Variants in PNLIP observed in about 807,000 individuals in gnomAD.
PNLIP encodes the protein pancreatic lipase.
Under a neutral mutation model 57.1 loss-of-function variants are expected in PNLIP, and 49 were observed. The ratio of observed to expected loss-of-function variants is 0.86; its 90% confidence interval spans 0.68 to 1.09. The LOEUF (loss-of-function observed/expected upper bound fraction) is 1.09, where lower values mean the gene tolerates loss of function less well. Among genes scored for constraint, PNLIP ranks in the 50% least tolerant of loss-of-function variants. The probability of loss-of-function intolerance (pLI) is 0.00; values close to 1 mark genes in which losing one functional copy is unlikely to be tolerated. For synonymous variants in PNLIP, 209 were observed against 200.4 expected, an observed-to-expected ratio of 1.04 and a Z score of -0.36; for missense variants, 503 against 570.2, an observed-to-expected ratio of 0.88 and a Z score of 1.20.
chr10:116,550,125 C>T (rs1185594331), intron 4 of PNLIP, among the ~76,000 whole-genome samples: 1 of 131,906 alleles, frequency 7.6e-6, no homozygotes, highest in Non-Finnish European at 1.5e-5. Context: ...GTGGCGCGAT[C>T]TTGGCTCACT....
intron 12 of PNLIP, among the ~76,000 whole-genome samples, chr10:116,562,847 T>C (rs548962186): frequency 1.3e-5 from 2 of 152,206 alleles, no homozygotes; most frequent in African/African-American, 4.8e-5. Flanking sequence ...TGCTTTATAG[T>C]GGAAAATAAT....
rs542104414 is a variant in PNLIP, at chr10:116,549,478, C to CAA, written c.324+1005_324+1006dup. 6.7e-4 allele frequency among the ~76,000 whole-genome samples: 95 copies of CAA among 142,364 alleles called. 1 individual carries two copies. Among genetic ancestry groups the CAA allele is most frequent in the African/African-American group, 2.2e-3 (84 of 38,624 alleles). 93.4% of individuals were successfully genotyped at this position (142,364 alleles called of 152,430 possible). A position where few individuals can be genotyped will look rare whatever the true frequency, so the allele number is the denominator to read the frequency against. On this transcript the variant is annotated intron_variant, in intron 4 of 12. Coordinates refer to ENST00000369221, the MANE Select transcript of PNLIP (RefSeq NM_000936.4). Reference sequence around the variant, plus strand: ...TGGACAACAGAGCAAGATTCCGTCTCAAAAAAAAAACAAAAAAAGACACAA... The same window carrying CAA: ...TGGACAACAGAGCAAGATTCCGTCTCAAAAAAAAAAAACAAAAAAAGACACAA...
chr10:116,559,207 T>C lies in PNLIP; in HGVS notation c.984T>C (p.Ala328=), dbSNP rs78085802. Residue 328 remains alanine, a synonymous_variant, in exon 10 of 13, where the codon GCT becomes GCC. Coordinates refer to ENST00000369221, the MANE Select transcript of PNLIP (RefSeq NM_000936.4). ...GCTGCCCACAGATGGGTCACTATGC[T>C]GATAGATATCCTGGGAAAACAAATG... is the stretch of plus-strand genomic sequence containing the variant. ...SGGCPQMGHY[A]DRYPGKTNDV... The C allele has an allele frequency of 2.3e-3, 3,689 of 1,614,034 alleles. 78 individuals carry two copies. The African/African-American group carries it at 0.042, about 18-fold the overall frequency.
At chr10:116,546,000 G>T in intron 1 of PNLIP, 42 bp downstream of exon 1, 1 of 1,052,132 alleles carries the variant, frequency 9.5e-7, no homozygotes. Context: ...TGATCAGAAT[G>T]TATCCATTTT....
Position 116,555,085 on chromosome 10 carries a change from C to T in PNLIP, c.572-93C>T, listed in dbSNP as rs112951581. ...AGCAAATGGTCAGGTAAGGAAGAAC[C>T]CGTTCATCCCTTTCCATGCATAACT... On this transcript the variant is annotated intron_variant, in intron 6 of 12. Transcript: ENST00000369221. The T allele has an allele frequency of 3.8e-5, 52 of 1,374,142 alleles. No homozygotes were observed. The African/African-American group carries it at 6.2e-4, about 17-fold the overall frequency. 85.1% of individuals were successfully genotyped at this position (1,374,142 alleles called of 1,614,324 possible).
At chr10:116,548,323 T>G in intron 3 of PNLIP, 37 bp from the exon 4 acceptor site, 1 of 1,609,362 alleles carries the variant, frequency 6.2e-7, no homozygotes, top group Non-Finnish European at 8.5e-7. Flanking sequence ...TTGGCTACTA[T>G]AGGAAACTGA....
intron 2 of PNLIP, 66 bp downstream of exon 2, chr10:116,546,204 G>A: frequency 7.2e-7 from 1 of 1,388,664 alleles, no homozygotes; most frequent in Admixed American, 1.7e-5. Context: ...GAGGGCTAGG[G>A]CAGCTGAATT....
intron 10 of PNLIP, among the ~76,000 whole-genome samples, chr10:116,560,075 A>G (rs565162209): frequency 6.6e-6 from 1 of 152,320 alleles, no homozygotes; most frequent in African/African-American, 2.4e-5. Flanking sequence ...CAATTTTACA[A>G]CTACCTTTTA....
At chr10:116,560,322 T>C in intron 10 of PNLIP, 94 bp from the exon 11 acceptor site, 1 of 627,732 alleles carries the variant, frequency 1.6e-6, no homozygotes, top group Non-Finnish European at 2.9e-6. Flanking sequence ...TATAAATAAA[T>C]TATTCAAAAC....
chr10:116,549,966 C>G (rs905302594), intron 4 of PNLIP, among the ~76,000 whole-genome samples: 2 of 151,044 alleles, frequency 1.3e-5, no homozygotes, highest in Non-Finnish European at 2.9e-5. Flanking sequence ...CTACGATTAG[C>G]AAATCTTTTC....
intron 11 of PNLIP, among the ~76,000 whole-genome samples, chr10:116,560,848 G>A (rs1450428361): frequency 2.0e-5 from 3 of 152,110 alleles, no homozygotes; most frequent in Admixed American, 2.0e-4. Context: ...AAAGTGCTGG[G>A]ATTACAGGCA....
At position 116,556,006 on chromosome 10, in the gene PNLIP, G is replaced by A. The variant is rs745727766; in HGVS notation, c.818G>A (p.Arg273Gln). The A allele has an allele frequency of 1.1e-5, 17 of 1,603,610 alleles. No individual in the cohort carries two copies. Among genetic ancestry groups the A allele is most frequent in the Admixed American group, 1.7e-5 (1 of 59,846 alleles). Reference protein sequence around the residue: ...VDIDGIWEGTRDFAACNHLRS... With the variant: ...VDIDGIWEGTQDFAACNHLRS... ...AATTGTGTCTGATTCAAAGGGACTC[G>A]AGACTTTGCGGCCTGTAATCACTTA... Residue 273 changes from arginine to glutamine, a missense_variant, in exon 9 of 13, where the codon CGA becomes CAA. Arg to Gln is a conservative substitution (Grantham distance 43, BLOSUM62 1). Transcript: ENST00000369221.
chr10:116,552,801 G>A (rs1847208403), intron 5 of PNLIP, among the ~76,000 whole-genome samples: 3 of 152,098 alleles, frequency 2.0e-5, no homozygotes, highest in Admixed American at 6.5e-5. Context: ...CAGGAGAATG[G>A]CGTGAACCCG....
chr10:116,554,382 A>G (rs1353160083), intron 6 of PNLIP, among the ~76,000 whole-genome samples: 1 of 152,202 alleles, frequency 6.6e-6, no homozygotes, highest in East Asian at 1.9e-4. Context: ...CTCAAACATA[A>G]CCCCAGAGTT....
chr10:116,563,096 G>A (rs1289850486), intron 12 of PNLIP, among the ~76,000 whole-genome samples: 1 of 152,122 alleles, frequency 6.6e-6, no homozygotes, highest in Non-Finnish European at 1.5e-5. Flanking sequence ...TGTTACATTA[G>A]CAGAGGAGAA....
At chr10:116,564,295 A>G (rs1847343407) in intron 12 of PNLIP, among the ~76,000 whole-genome samples, 1 of 152,220 alleles carries the variant, frequency 6.6e-6, no homozygotes, top group African/African-American at 2.4e-5. Context: ...GAAAGCAGTC[A>G]GAGAAAAACC....
At chr10:116,561,200 T>C (rs1210862035) in intron 11 of PNLIP, among the ~76,000 whole-genome samples, 4 of 152,312 alleles carry the variant, frequency 2.6e-5, no homozygotes, top group South Asian at 2.1e-4. Flanking sequence ...TGGTGACTAA[T>C]ACATGTTTGA....
intron 6 of PNLIP, 110 bp downstream of exon 6, chr10:116,553,948 A>C (rs924894871): frequency 2.1e-4 from 116 of 542,928 alleles, no homozygotes; most frequent in Non-Finnish European, 3.2e-4. Flanking sequence ...TCTCCTTAAA[A>C]AAAAAAAAAA....
chr10:116,560,277 A>ACT, intron 10 of PNLIP, 139 bp from the exon 11 acceptor site: 1 of 66,472 alleles, frequency 1.5e-5, no homozygotes, highest in South Asian at 3.0e-4. Context: ...TTAGAAAATT[A>ACT]CACACACACA....
Sources: allele counts gnomAD v4.1 joint callset (sites outside exome capture counted in the v4.1 genomes callset), GRCh38; gene constraint gnomAD v4.1.1; transcripts MANE v1.5; gene names NCBI Gene and HGNC (gene_info 2026-07-23, HGNC 2026-07-21).